ELOVL7: variants seen among roughly 807,000 people sequenced by gnomAD.
ELOVL7 encodes ELOVL fatty acid elongase 7, also known as very long chain fatty acid elongase 7.
Under a neutral mutation model 35.7 loss-of-function variants are expected in ELOVL7, and 27 were observed. The ratio of observed to expected loss-of-function variants is 0.76; its 90% CI spans 0.56 to 1.04. The LOEUF (loss-of-function observed/expected upper bound fraction) is 1.04. ELOVL7 is among the 50% of genes least tolerant of loss of function. The pLI is 0.00. For synonymous variants in ELOVL7, 113 were observed against 114.6 expected (o/e 0.99, Z 0.09); for missense variants, 327 against 340.8 (o/e 0.96, Z 0.32).
chr5:60,833,465 C>A (rs973124742), intron 1 of ELOVL7, among the ~76,000 whole-genome samples: 24 of 152,138 alleles, frequency 1.6e-4, no homozygotes, highest in Non-Finnish European at 3.2e-4. Flanking sequence ...GTAGACTCTT[C>A]ATTAACACTC....
chr5:60,830,063 T>G (rs1746391059), intron 1 of ELOVL7, among the ~76,000 whole-genome samples: 1 of 152,200 alleles, frequency 6.6e-6, no homozygotes, highest in South Asian at 2.1e-4. Context: ...GAGGCCTGGC[T>G]GACAGGTTCT....
At chr5:60,777,133 C>G (rs1196476711) in intron 3 of ELOVL7, among the ~76,000 whole-genome samples, 1 of 151,818 alleles carries the variant, frequency 6.6e-6, no homozygotes, top group African/African-American at 2.4e-5. Flanking sequence ...GTGGGAATAG[C>G]TAATGGGTAC....
chr5:60,837,006 T>G (rs1401323130), intron 1 of ELOVL7, among the ~76,000 whole-genome samples: 1 of 151,652 alleles, frequency 6.6e-6, no homozygotes, highest in Non-Finnish European at 1.5e-5. Context: ...TACACCTAGG[T>G]TTAAATCCTG....
intron 3 of ELOVL7, among the ~76,000 whole-genome samples, chr5:60,773,711 G>A (rs886741678): frequency 6.6e-6 from 1 of 152,174 alleles, no homozygotes; most frequent in Non-Finnish European, 1.5e-5. Context: ...CTGACTGCTT[G>A]GGAGAAAAAT....
chr5:60,772,321 T>G (rs1254341086), intron 3 of ELOVL7, among the ~76,000 whole-genome samples: 2 of 152,086 alleles, frequency 1.3e-5, no homozygotes, highest in South Asian at 2.1e-4. Context: ...ATCGCCTGCA[T>G]GATGGTATTA....
chr5:60,777,904 G>A (rs1579812393), intron 3 of ELOVL7, among the ~76,000 whole-genome samples: 1 of 152,198 alleles, frequency 6.6e-6, no homozygotes, highest in Non-Finnish European at 1.5e-5. Flanking sequence ...TTTAACAAAA[G>A]GACGTCTCTG....
chr5:60,756,211 T>G (rs1422251332), intron 8 of ELOVL7, among the ~76,000 whole-genome samples: 1 of 152,170 alleles, frequency 6.6e-6, no homozygotes, highest in East Asian at 1.9e-4. Flanking sequence ...TTAAAAAGTT[T>G]GTACATTTAA....
At chr5:60,835,944 G>A (rs1046186301) in intron 1 of ELOVL7, among the ~76,000 whole-genome samples, 2 of 152,014 alleles carry the variant, frequency 1.3e-5, no homozygotes, top group African/African-American at 4.8e-5. Context: ...AGTTGGAGAA[G>A]GAAGAAGACT....
chr5:60,802,546 G>T (rs1199278952), intron 1 of ELOVL7: 5 of 152,144 alleles, frequency 3.3e-5, no homozygotes, highest in Admixed American at 6.5e-5. Context: ...ATTAATCTAG[G>T]ATTTCAAAAG....
At chr5:60,764,461 A>G in intron 6 of ELOVL7, 129 bp from the exon 7 acceptor site, 1 of 696,520 alleles carries the variant, frequency 1.4e-6, no homozygotes, top group South Asian at 2.2e-5. Context: ...GCCTTATAGA[A>G]TGCTTACAGA....
intron 1 of ELOVL7, among the ~76,000 whole-genome samples, chr5:60,827,294 A>G (rs1165603084): frequency 6.6e-6 from 1 of 152,216 alleles, no homozygotes; most frequent in Admixed American, 6.5e-5. Context: ...ATTTCCTTCC[A>G]CTATTTATCT....
At chr5:60,765,663 G>A (rs1164142998) in intron 6 of ELOVL7, among the ~76,000 whole-genome samples, 3 of 152,098 alleles carry the variant, frequency 2.0e-5, no homozygotes, top group Admixed American at 2.0e-4. Flanking sequence ...GGGGGTCGAG[G>A]CAGCTGTGTT....
chr5:60,763,003 A>C (rs541888862), intron 7 of ELOVL7, among the ~76,000 whole-genome samples: 24 of 152,234 alleles, frequency 1.6e-4, no homozygotes, highest in Admixed American at 3.9e-4. Context: ...ACAGAAAGTA[A>C]GGATAAGTAA....
chr5:60,834,425 G>A (rs1482821798), intron 1 of ELOVL7, among the ~76,000 whole-genome samples: 4 of 152,174 alleles, frequency 2.6e-5, no homozygotes, highest in Admixed American at 6.5e-5. Context: ...GATTACAGGC[G>A]TGAGCCACTG....
At chr5:60,794,524 A>T (rs572673753) in intron 2 of ELOVL7, among the ~76,000 whole-genome samples, 1,769 of 152,342 alleles carry the variant, frequency 0.012, 30 homozygotes, top group African/African-American at 0.038. Flanking sequence ...AGTGGGAAGC[A>T]CCAGACAAGA....
At chr5:60,758,320 A>G (rs1166153645) in intron 7 of ELOVL7, among the ~76,000 whole-genome samples, 1 of 152,206 alleles carries the variant, frequency 6.6e-6, no homozygotes, top group Non-Finnish European at 1.5e-5. Flanking sequence ...CTATTGACAG[A>G]CATGTGGGTT....
chr5:60,761,402 C>G (rs1469127876), intron 7 of ELOVL7, among the ~76,000 whole-genome samples: 1 of 152,038 alleles, frequency 6.6e-6, no homozygotes, highest in African/African-American at 2.4e-5. Context: ...CAGCTGTGCT[C>G]AAGTTTTTGC....
At chr5:60,756,205 A>G (rs1741531262) in intron 8 of ELOVL7, among the ~76,000 whole-genome samples, 1 of 152,210 alleles carries the variant, frequency 6.6e-6, no homozygotes, top group Admixed American at 6.5e-5. Flanking sequence ...ACGTTATTAA[A>G]AAGTTTGTAC....
intron 6 of ELOVL7, among the ~76,000 whole-genome samples, chr5:60,764,800 A>G (rs889958884): frequency 1.2e-4 from 19 of 152,138 alleles, no homozygotes; most frequent in Non-Finnish European, 2.6e-4. Context: ...GGAAATTATT[A>G]TTAAAGAAAA....
Sources: allele counts gnomAD v4.1 joint callset (sites outside exome capture counted in the v4.1 genomes callset), GRCh38; gene constraint gnomAD v4.1.1; transcripts MANE v1.5; gene names NCBI Gene and HGNC (gene_info 2026-07-23, HGNC 2026-07-21).